PREX2: variants seen among roughly 807,000 people sequenced by gnomAD.
PREX2 encodes the protein phosphatidylinositol-3,4,5-trisphosphate dependent Rac exchange factor 2.
PREX2 carries 107 observed loss-of-function variants against 203.2 expected under a neutral mutation model. The observed-to-expected ratio is 0.53, with a 90% confidence interval of 0.45 to 0.62. The LOEUF (loss-of-function observed/expected upper bound fraction) is 0.62. PREX2 is among the 20% of genes least tolerant of loss of function. The pLI is 0.00. For synonymous variants in PREX2, 672 were observed against 663.6 expected, an observed-to-expected ratio of 1.01 and a Z score of -0.19; for missense variants, 1,777 against 1,955.9, an observed-to-expected ratio of 0.91 and a Z score of 1.72.
intron 1 of PREX2, among the ~76,000 whole-genome samples, chr8:67,962,690 T>C (rs1200103653): frequency 1.3e-5 from 2 of 151,876 alleles, no homozygotes; most frequent in African/African-American, 4.8e-5. Flanking sequence ...CACTGCAACC[T>C]CTGCCTCCTG....
At chr8:68,218,149 A>G (rs1481824508) in intron 38 of PREX2, among the ~76,000 whole-genome samples, 1 of 152,194 alleles carries the variant, frequency 6.6e-6, no homozygotes, top group African/African-American at 2.4e-5. Flanking sequence ...AGGGACATTC[A>G]TGCCATACTC....
chr8:67,953,038 G>A (rs1275619013), intron 1 of PREX2, among the ~76,000 whole-genome samples: 1 of 152,132 alleles, frequency 6.6e-6, no homozygotes, highest in African/African-American at 2.4e-5. Context: ...GGCAGTGGCC[G>A]CTTTAGTTAT....
chr8:68,063,019 T>C (rs1808903967), intron 11 of PREX2, among the ~76,000 whole-genome samples: 1 of 152,284 alleles, frequency 6.6e-6, no homozygotes, highest in Non-Finnish European at 1.5e-5. Flanking sequence ...TTGTATATGA[T>C]TTTGCGCTTG....
chr8:68,088,417 A>G lies in PREX2; in HGVS notation c.2113+608A>G, dbSNP rs1291643874. Among the ~76,000 whole-genome samples, 3 of 152,236 alleles carry G rather than the reference A, an allele frequency of 2.0e-5. No individual in the cohort carries two copies. In the East Asian group the frequency reaches 5.8e-4, roughly 29 times the overall value. On this transcript the variant is annotated intron_variant, in intron 19 of 39. Transcript: ENST00000288368. ...CAGATCCCACATTACTAAACATAGT[A>G]AGTAACTTGCGCCTATAGCAAGAAG...
In PREX2 at chr8:68,159,319, T is replaced by G. The variant is rs141463652; in HGVS notation, c.4346+1883T>G. ...CAAATCTTAGTTGAACCAATTTATT[T>G]GCAAAATAAGTTTTAGTGTTATGAT... On this transcript the variant is annotated intron_variant, in intron 35 of 39. Coordinates refer to ENST00000288368, the MANE Select transcript of PREX2 (RefSeq NM_024870.4). 5.6e-3 allele frequency among the ~76,000 whole-genome samples: 853 copies of G among 152,354 alleles called. 5 individuals carry two copies. The highest frequency in any genetic ancestry group is 6.8e-3 in the Middle Eastern group (2 of 294).
At chr8:67,992,888 A>G (rs1456929807) in intron 1 of PREX2, among the ~76,000 whole-genome samples, 1 of 152,246 alleles carries the variant, frequency 6.6e-6, no homozygotes, top group Non-Finnish European at 1.5e-5. Flanking sequence ...GGGAAAATGT[A>G]GTTAGTAATT....
chr8:68,145,668 A>G (rs1811310331), intron 33 of PREX2, among the ~76,000 whole-genome samples: 7 of 152,144 alleles, frequency 4.6e-5, no homozygotes, highest in Admixed American at 4.6e-4. Flanking sequence ...AAGTAATTAA[A>G]TTTAGGATCT....
chr8:68,092,880 C>T (rs1809924932), intron 20 of PREX2, among the ~76,000 whole-genome samples: 1 of 152,110 alleles, frequency 6.6e-6, no homozygotes, highest in South Asian at 2.1e-4. Context: ...TCTTGAACTT[C>T]TGGGCTCAAG....
intron 1 of PREX2, among the ~76,000 whole-genome samples, chr8:68,005,055 A>G (rs972425784): frequency 2.0e-5 from 3 of 152,192 alleles, no homozygotes; most frequent in Non-Finnish European, 4.4e-5. Context: ...TTTTGTGTTG[A>G]TTGAACCTGT....
intron 4 of PREX2, 23 bp downstream of exon 4, chr8:68,022,163 C>G (rs1252946361): frequency 3.5e-6 from 4 of 1,147,588 alleles, no homozygotes; most frequent in Non-Finnish European, 5.3e-6. Flanking sequence ...TTATGTGTTA[C>G]TGTATGTTGA....
chr8:68,059,960 C>T (rs917875079), intron 10 of PREX2, among the ~76,000 whole-genome samples: 1 of 152,182 alleles, frequency 6.6e-6, no homozygotes, highest in African/African-American at 2.4e-5. Flanking sequence ...TGCCACTAGC[C>T]TGAGAAAACT....
chr8:68,181,985 G>A (rs1220401862), intron 35 of PREX2, among the ~76,000 whole-genome samples: 1 of 151,970 alleles, frequency 6.6e-6, no homozygotes, highest in Non-Finnish European at 1.5e-5. Context: ...CAGGTGCTGG[G>A]GTATAGGGAA....
chr8:68,027,974 C>A (rs559067329), intron 5 of PREX2, among the ~76,000 whole-genome samples: 1 of 152,070 alleles, frequency 6.6e-6, no homozygotes, highest in Non-Finnish European at 1.5e-5. Context: ...ATGAATAGGT[C>A]AAGATGGCAA....
chr8:68,178,981 G>T (rs917336920), intron 35 of PREX2, among the ~76,000 whole-genome samples: 3 of 152,158 alleles, frequency 2.0e-5, no homozygotes, highest in South Asian at 4.2e-4. Flanking sequence ...TTGCAGAGAT[G>T]ACAGATTTTA....
chr8:68,118,205 A>G (rs1027980148), intron 26 of PREX2, among the ~76,000 whole-genome samples: 1 of 152,020 alleles, frequency 6.6e-6, no homozygotes, highest in South Asian at 2.1e-4. Context: ...AATACAAAAA[A>G]TTAGCCTGGT....
chr8:68,074,036 G>A (rs982950329), intron 14 of PREX2, among the ~76,000 whole-genome samples: 69 of 151,544 alleles, frequency 4.6e-4, no homozygotes, highest in African/African-American at 1.5e-3. Flanking sequence ...GCTCAATCTC[G>A]GCTCACTGCA....
intron 35 of PREX2, among the ~76,000 whole-genome samples, chr8:68,176,321 T>C (rs1811979418): frequency 6.6e-6 from 1 of 152,218 alleles, no homozygotes; most frequent in Non-Finnish European, 1.5e-5. Flanking sequence ...ATATGCTTAA[T>C]AGACCAAATG....
chr8:68,117,434 C>T (rs1188049790), intron 26 of PREX2, among the ~76,000 whole-genome samples: 1 of 152,172 alleles, frequency 6.6e-6, no homozygotes, highest in Admixed American at 6.5e-5. Flanking sequence ...GACAGATTAA[C>T]CACTTTTATC....
chr8:68,132,247 A>G (rs16934212), intron 31 of PREX2, among the ~76,000 whole-genome samples: 17,158 of 152,104 alleles, frequency 0.11, 1,244 homozygotes, highest in East Asian at 0.2. Flanking sequence ...GAAATTGTGC[A>G]CAACAAAATA....
Sources: gnomAD v4.1 joint callset for allele counts (sites outside exome capture counted in the v4.1 genomes callset) on GRCh38, gnomAD v4.1.1 for gene constraint, MANE v1.5 for transcripts, NCBI Gene and HGNC (gene_info 2026-07-23, HGNC 2026-07-21) for gene names.